The following ARHGAP35 variants were observed in gnomAD, a reference collection of about 807,000 sequenced individuals.
The protein encoded by ARHGAP35 is Rho GTPase activating protein 35, also known as rho GTPase-activating protein 35.
ARHGAP35 carries 15 observed loss-of-function variants against 111.1 expected under a neutral mutation model. That is an observed-to-expected ratio of 0.13 (90% CI 0.09 to 0.21). ARHGAP35 has a LOEUF of 0.21. Ranked by LOEUF, ARHGAP35 falls within the 10% of genes least tolerant of loss-of-function variation. The pLI is 1.00. For synonymous variants in ARHGAP35, 643 were observed against 710.3 expected (o/e 0.91, Z 1.51); for missense variants, 1,262 against 1,873.0 (o/e 0.67, Z 6.02).
At chr19:46,861,956 A>T (rs1375366995) in intron 1 of ARHGAP35, among the ~76,000 whole-genome samples, 1 of 151,740 alleles carries the variant, frequency 6.6e-6, no homozygotes, top group Non-Finnish European at 1.5e-5. Context: ...AGCCTGCTGC[A>T]CCCCGGGATG....
intron 1 of ARHGAP35, among the ~76,000 whole-genome samples, chr19:46,892,920 A>G (rs1233487528): frequency 1.3e-5 from 2 of 152,022 alleles, no homozygotes; most frequent in African/African-American, 2.4e-5. Flanking sequence ...TTGTAAGTCC[A>G]GTTCTCCATG....
intron 1 of ARHGAP35, among the ~76,000 whole-genome samples, chr19:46,864,781 C>T (rs1234957356): frequency 6.6e-6 from 1 of 152,072 alleles, no homozygotes; most frequent in East Asian, 1.9e-4. Context: ...AAATTTTTAG[C>T]CTTGTGTGTC....
At position 47,000,175 on chromosome 19, in the gene ARHGAP35, C is replaced by T. The variant is rs561058511; in HGVS notation, c.4143-156C>T. ...GGAGAGGACACTGAGGGCGCAGCCT[C>T]CCAGGCAGGGCAGGGTACAGAGAGC... On this transcript the variant is annotated intron_variant, in intron 6 of 6. Coordinates refer to ENST00000672722, the MANE Select transcript of ARHGAP35 (RefSeq NM_004491.5). This position sits in a 1 kb window ranked among gnomAD's most constrained non-coding sequence, Gnocchi z 6.9. 1.3e-5 allele frequency among the ~76,000 whole-genome samples: 2 copies of T among 152,224 alleles called. No individual in the cohort carries two copies. The highest frequency in any genetic ancestry group is 1.3e-4 in the Admixed American group (2 of 15,298).
At position 46,920,712 on chromosome 19, in the gene ARHGAP35, G is replaced by A. The variant is rs1362372865; in HGVS notation, c.2037G>A (p.Glu679=). The A allele has an allele frequency of 6.2e-7, 1 of 1,613,820 alleles. No individual in the cohort carries two copies. The highest frequency in any genetic ancestry group is 2.2e-5 in the East Asian group (1 of 44,888). ...TATCCTATGTAGTGGAAAGTATAGAGAAGAGTAGAGAGTCCACGCTGGGCC... is the reference window on the plus strand; with the variant it reads ...TATCCTATGTAGTGGAAAGTATAGAAAAGAGTAGAGAGTCCACGCTGGGCC... The part of the protein sequence containing the change: ...ESLSYVVESI[E]KSRESTLGRR... Residue 679 remains glutamate, a synonymous_variant, in exon 2 of 7, where the codon GAG becomes GAA. Coordinates refer to ENST00000672722, the MANE Select transcript of ARHGAP35 (RefSeq NM_004491.5). The surrounding 1 kb of genome is among the most constrained non-coding windows in gnomAD (Gnocchi z 7.0).
chr19:46,966,828 A>T (rs1453352089), intron 3 of ARHGAP35, among the ~76,000 whole-genome samples: 1 of 152,190 alleles, frequency 6.6e-6, no homozygotes, highest in Non-Finnish European at 1.5e-5. Flanking sequence ...TCAAAGAGAA[A>T]ATTAATATCT....
chr19:46,900,691 C>T (rs1248269252), intron 1 of ARHGAP35, among the ~76,000 whole-genome samples: 1 of 151,876 alleles, frequency 6.6e-6, no homozygotes, highest in Non-Finnish European at 1.5e-5. Context: ...GCTGAGGTCA[C>T]ATGAGGAGCA....
chr19:46,893,658 G>A (rs2056037936), intron 1 of ARHGAP35, among the ~76,000 whole-genome samples: 1 of 151,826 alleles, frequency 6.6e-6, no homozygotes. Context: ...TTTTTTAAAA[G>A]TTTAAAATTG....
intron 3 of ARHGAP35, among the ~76,000 whole-genome samples, chr19:46,939,021 AC>A (rs2056328553): frequency 6.6e-6 from 1 of 151,878 alleles, no homozygotes; most frequent in African/African-American, 2.4e-5. Context: ...TTCTGTGGAA[AC>A]CAGAGAAATA....
At position 46,921,415 on chromosome 19, in the gene ARHGAP35, G is replaced by T; in HGVS notation, c.2740G>T (p.Glu914Ter). The change falls in exon 2 of 7, where the codon GAA (glutamate) becomes TAA (stop). Residue 914 changes from glutamate (E) to a stop codon, truncating the protein, a stop_gained. Coordinates refer to ENST00000672722, the MANE Select transcript of ARHGAP35 (RefSeq NM_004491.5). LOFTEE classifies it high-confidence loss of function. The surrounding 1 kb of genome is among the most constrained non-coding windows in gnomAD (Gnocchi z 4.3). ...QLTEGEEIAQ[E>*]IDGRFTSIPC... Reference sequence around the variant, plus strand: ...AACTGAGGGGGAGGAGATTGCTCAAGAAATTGACGGAAGGTTCACAAGCAT... The same window carrying T: ...AACTGAGGGGGAGGAGATTGCTCAATAAATTGACGGAAGGTTCACAAGCAT... 1 of 1,613,946 alleles carries T rather than the reference G, an allele frequency of 6.2e-7. No homozygotes were observed. Among genetic ancestry groups the T allele is most frequent in the Non-Finnish European group, 8.5e-7 (1 of 1,179,874 alleles).
chr19:46,972,179 T>A (rs558213272), intron 3 of ARHGAP35, among the ~76,000 whole-genome samples: 231 of 152,270 alleles, frequency 1.5e-3, no homozygotes, highest in African/African-American at 5.3e-3. Flanking sequence ...AGGCTACTTT[T>A]TGTATTTTTG....
intron 1 of ARHGAP35, among the ~76,000 whole-genome samples, chr19:46,882,279 C>T (rs2055966564): frequency 6.6e-6 from 1 of 151,462 alleles, no homozygotes. Context: ...GGATTGCAGG[C>T]ATATGCCACC....
In ARHGAP35 at chr19:46,908,979, G is replaced by T. The variant is rs577859714; in HGVS notation, c.-188-9509G>T. Reference sequence around the variant, plus strand: ...CAAAAATTATAAATGGAATGTCAGAGAATCTTTCATAGCTACTCTTTAAAA... The same window carrying T: ...CAAAAATTATAAATGGAATGTCAGATAATCTTTCATAGCTACTCTTTAAAA... On this transcript the variant is annotated intron_variant, in intron 1 of 6. Coordinates refer to ENST00000672722, the MANE Select transcript of ARHGAP35 (RefSeq NM_004491.5). The surrounding 1 kb of genome is among the most constrained non-coding windows in gnomAD (Gnocchi z 4.2). 1.3e-5 allele frequency among the ~76,000 whole-genome samples: 2 copies of T among 152,272 alleles called. No individual in the cohort carries two copies. The highest frequency in any genetic ancestry group is 4.8e-5 in the African/African-American group (2 of 41,540).
chr19:47,000,920 A>G lies in ARHGAP35; in HGVS notation c.*232A>G, dbSNP rs1024346868. On this transcript the variant is annotated 3_prime_UTR_variant, in exon 7 of 7. Transcript: ENST00000672722. The surrounding 1 kb of genome is among the most constrained non-coding windows in gnomAD (Gnocchi z 6.9). ...TGGCTTGGACCCATTTGAGGACTGA[A>G]CTAGGCAGGCAATGGCTCCAGTGCC... The G allele has an allele frequency of 4.6e-6, 7 of 1,529,224 alleles. No individual in the cohort carries two copies. The highest frequency in any genetic ancestry group is 6.1e-6 in the Non-Finnish European group (7 of 1,142,996). The allele number at this position is 1,529,224 out of a possible 1,614,324, so 94.7% of individuals were successfully genotyped here.
chr19:46,958,618 T>A (rs2056456673), intron 3 of ARHGAP35, among the ~76,000 whole-genome samples: 1 of 152,202 alleles, frequency 6.6e-6, no homozygotes, highest in Non-Finnish European at 1.5e-5. Context: ...TGCTCTCTGT[T>A]GCTCTACCTC....
intron 1 of ARHGAP35, among the ~76,000 whole-genome samples, chr19:46,878,500 A>G (rs1213641317): frequency 4.6e-5 from 7 of 151,260 alleles, no homozygotes; most frequent in Non-Finnish European, 1.0e-4. Context: ...TGTATTTTTC[A>G]TAGAGATGGG....
At chr19:46,991,617 C>G (rs945970586) in intron 5 of ARHGAP35, among the ~76,000 whole-genome samples, 4 of 152,170 alleles carry the variant, frequency 2.6e-5, no homozygotes, top group African/African-American at 7.2e-5. Flanking sequence ...GCGGGGGCTC[C>G]GTTGTCTTGA....
In ARHGAP35 at chr19:46,922,207, G is replaced by GGGA; in HGVS notation, c.3534_3536dup (p.Gly1178_Ser1179insArg). 1 of 1,614,018 alleles carries GGGA rather than the reference G, an allele frequency of 6.2e-7. No homozygotes were observed. The highest frequency in any genetic ancestry group is 8.5e-7 in the Non-Finnish European group (1 of 1,179,896). ...TAGTTACCGGACCAGCTTCAGCGTG[G>GGGA]GGAGTGATGATGAGCTGGGGCCCAT... On this transcript the variant is annotated inframe_insertion, in exon 2 of 7. Coordinates refer to ENST00000672722, the MANE Select transcript of ARHGAP35 (RefSeq NM_004491.5). The surrounding 1 kb of genome is among the most constrained non-coding windows in gnomAD (Gnocchi z 4.0).
intron 1 of ARHGAP35, among the ~76,000 whole-genome samples, chr19:46,864,677 A>AT (rs1417465849): frequency 1.3e-5 from 2 of 152,196 alleles, no homozygotes; most frequent in African/African-American, 4.8e-5. Context: ...ACTTTTTAAA[A>AT]TTTTCTGACA....
At position 46,996,167 on chromosome 19, in the gene ARHGAP35, G is replaced by A. The variant is rs191931548; in HGVS notation, c.4037-3137G>A. Among the ~76,000 whole-genome samples, 858 of 152,264 alleles carry A rather than the reference G, an allele frequency of 5.6e-3. 8 individuals are homozygous for A. Among genetic ancestry groups the A allele is most frequent in the African/African-American group, 0.019 (809 of 41,534 alleles). ...CACCCAGGCTGGAGCACAGTGGCACGATCTTGGCTCACTGCAACCTCCATC... is the reference window on the plus strand; with the variant it reads ...CACCCAGGCTGGAGCACAGTGGCACAATCTTGGCTCACTGCAACCTCCATC... On this transcript the variant is annotated intron_variant, in intron 5 of 6. Coordinates refer to ENST00000672722, the MANE Select transcript of ARHGAP35 (RefSeq NM_004491.5).
Sources: gnomAD v4.1 joint callset for allele counts (sites outside exome capture counted in the v4.1 genomes callset) on GRCh38, gnomAD v4.1.1 for gene constraint, Gnocchi (gnomAD v3.1) non-coding constraint, MANE v1.5 for transcripts, NCBI Gene and HGNC (gene_info 2026-07-23, HGNC 2026-07-21) for gene names.